The following IST1 variants were observed in gnomAD, a reference collection of about 807,000 sequenced individuals.
IST1 encodes IST1 factor associated with ESCRT-III.
Under a neutral mutation model 37.0 loss-of-function variants are expected in IST1, and 23 were observed. That is an observed-to-expected ratio of 0.62 (90% CI 0.45 to 0.88). The LOEUF is 0.88. Ranked by LOEUF, IST1 falls within the 40% of genes least tolerant of loss-of-function variation. IST1 has a pLI of 0.00. For synonymous variants in IST1, 180 were observed against 161.7 expected (o/e 1.11, Z -0.86); for missense variants, 488 against 445.4 (o/e 1.10, Z -0.86).
chr16:71,895,485 G>A, upstream of IST1: 1 of 984,712 alleles, frequency 1.0e-6, no homozygotes, highest in Non-Finnish European at 1.2e-6. Context: ...TCGGCCCCGT[G>A]GATCCCTCCG....
At chr16:71,906,779 G>C (rs2037233526) in intron 1 of IST1, among the ~76,000 whole-genome samples, 1 of 151,470 alleles carries the variant, frequency 6.6e-6, no homozygotes, top group African/African-American at 2.4e-5. Flanking sequence ...GCTTCCTTTT[G>C]GTCTCCCTGG....
rs182950900 is a variant in IST1, at chr16:71,921,340, C to T, written c.442-3C>T. On this transcript the variant is annotated splice_region_variant and splice_polypyrimidine_tract_variant and intron_variant, in intron 5 of 9. Transcript: ENST00000378799. ...TCTTAGCCCTGGGTCTTTTTACTTA[C>T]AGCTAATGCACAAGCTGAGTGTGGA... 22 of 1,594,836 alleles carry T rather than the reference C, an allele frequency of 1.4e-5. No homozygotes were observed. The East Asian group carries it at 2.9e-4, about 21-fold the overall frequency.
At chr16:71,921,270 A>C (rs2037575265) in intron 5 of IST1, 73 bp from the exon 6 acceptor site, 1 of 878,814 alleles carries the variant, frequency 1.1e-6, no homozygotes, top group African/African-American at 1.7e-5. Flanking sequence ...AGAGGAGCTA[A>C]CTTCGCATAG....
intron 9 of IST1, among the ~76,000 whole-genome samples, chr16:71,926,822 CAT>C (rs1401841749): frequency 2.0e-5 from 3 of 152,076 alleles, no homozygotes; most frequent in Non-Finnish European, 2.9e-5. Flanking sequence ...CTTAAGGAAA[CAT>C]ACAGTAGATG....
intron 1 of IST1, among the ~76,000 whole-genome samples, chr16:71,907,896 C>G (rs73588121): frequency 0.047 from 7,097 of 152,268 alleles, 525 homozygotes; most frequent in African/African-American, 0.16. Context: ...GTCCTCCTGC[C>G]TCAGCCCCCT....
At chr16:71,895,755 C>A in intron 1 of IST1, 166 bp downstream of exon 1, 1 of 187,056 alleles carries the variant, frequency 5.3e-6, no homozygotes, top group South Asian at 1.7e-4. Flanking sequence ...GACCGGAGGT[C>A]AGGCCCTCGA....
chr16:71,912,931 T>C (rs1455126627), intron 1 of IST1, among the ~76,000 whole-genome samples: 1 of 152,212 alleles, frequency 6.6e-6, no homozygotes, highest in Non-Finnish European at 1.5e-5. Context: ...TGGGTAGGAT[T>C]TCCTTTCCTT....
At chr16:71,895,520 A>T (rs2036943942), upstream of IST1, 1 of 985,516 alleles carries the variant, frequency 1.0e-6, no homozygotes, top group African/African-American at 1.7e-5. Flanking sequence ...GCTGAGGCCG[A>T]GGGAGTCGCC....
intron 1 of IST1, among the ~76,000 whole-genome samples, chr16:71,900,388 C>T (rs2037080924): frequency 8.4e-6 from 1 of 119,504 alleles, no homozygotes; most frequent in African/African-American, 3.4e-5. Flanking sequence ...ATAGAGCTTT[C>T]AGGATCACTA....
intron 4 of IST1, among the ~76,000 whole-genome samples, chr16:71,918,439 T>C (rs1450253355): frequency 7.1e-6 from 1 of 141,334 alleles, no homozygotes; most frequent in Non-Finnish European, 1.5e-5. Flanking sequence ...TTTTTTGAGA[T>C]GGAGTCTTGC....
chr16:71,896,238 T>C (rs1317403107), intron 1 of IST1, among the ~76,000 whole-genome samples: 1 of 151,402 alleles, frequency 6.6e-6, no homozygotes, highest in Non-Finnish European at 1.5e-5. Flanking sequence ...TCGGTGCTCT[T>C]CTTCCGGGGT....
chr16:71,915,463 T>C (rs79975713), intron 1 of IST1, 163 bp from the exon 2 acceptor site: 1 of 541,890 alleles, frequency 1.8e-6, no homozygotes, highest in Non-Finnish European at 3.2e-6. Flanking sequence ...CAGTTTTTTT[T>C]ACAACAGCCA....
intron 1 of IST1, among the ~76,000 whole-genome samples, chr16:71,900,636 A>G (rs2037087017): frequency 6.7e-6 from 1 of 148,478 alleles, no homozygotes; most frequent in African/African-American, 2.5e-5. Flanking sequence ...TGTGACACTA[A>G]TAAAAATAAT....
At chr16:71,910,763 A>T (rs8051461) in intron 1 of IST1, among the ~76,000 whole-genome samples, 6,071 of 152,240 alleles carry the variant, frequency 0.04, 404 homozygotes, top group African/African-American at 0.14. Context: ...ATTAATAGAA[A>T]TATTCTTACT....
At chr16:71,926,347 A>G (rs887496058) in intron 9 of IST1, among the ~76,000 whole-genome samples, 1 of 151,106 alleles carries the variant, frequency 6.6e-6, no homozygotes, top group Admixed American at 6.6e-5. Flanking sequence ...AAAAAAACTC[A>G]TAGTTTTTTT....
Position 71,929,909 on chromosome 16 carries a change from A to G in IST1, c.*2096A>G. On this transcript the variant is annotated 3_prime_UTR_variant, in exon 10 of 10. Coordinates refer to ENST00000378799, the MANE Select transcript of IST1 (RefSeq NM_001270975.2). Reference sequence around the variant, plus strand: ...CTTATAAATTGGGTTTCCTAGGAAGATAGCTGGCAGAGCTTTTGAAACTAA... The same window carrying G: ...CTTATAAATTGGGTTTCCTAGGAAGGTAGCTGGCAGAGCTTTTGAAACTAA... The G allele has an allele frequency of 8.7e-7, 1 of 1,147,140 alleles. No individual in the cohort carries two copies. Among genetic ancestry groups the G allele is most frequent in the Non-Finnish European group, 1.2e-6 (1 of 832,098 alleles). The allele number at this position is 1,147,140 out of a possible 1,614,324, so 71.1% of individuals were successfully genotyped here. A position where few individuals can be genotyped will look rare whatever the true frequency, so the allele number is the denominator to read the frequency against.
rs2037891687 is a variant in IST1 at position 71,930,255 on chromosome 16, T to C, written c.*2442T>C. 2 of 1,401,894 alleles carry C rather than the reference T, an allele frequency of 1.4e-6. No homozygotes were observed. Among genetic ancestry groups the C allele is most frequent in the African/African-American group, 2.9e-5 (2 of 69,140 alleles). 86.8% of individuals were successfully genotyped at this position (1,401,894 alleles called of 1,614,324 possible). Reference sequence around the variant, plus strand: ...TACTTTACAAACATAAGCTATATGCTAGTGTTTGGGATCTTATCAGAAGAA... The same window carrying C: ...TACTTTACAAACATAAGCTATATGCCAGTGTTTGGGATCTTATCAGAAGAA... On this transcript the variant is annotated 3_prime_UTR_variant, in exon 10 of 10. Transcript: ENST00000378799.
chr16:71,907,682 C>T (rs2037257068), intron 1 of IST1, among the ~76,000 whole-genome samples: 1 of 152,046 alleles, frequency 6.6e-6, no homozygotes, highest in African/African-American at 2.4e-5. Flanking sequence ...TTTTTTCTCT[C>T]TTTTTTTCAG....
At chr16:71,918,456 GC>G (rs1473805877) in intron 4 of IST1, among the ~76,000 whole-genome samples, 13 of 142,710 alleles carry the variant, frequency 9.1e-5, no homozygotes, top group African/African-American at 3.4e-4. Context: ...TTGCAGTGTT[GC>G]CTGGGCTGGA....
Sources: gnomAD v4.1 joint callset for allele counts (sites outside exome capture counted in the v4.1 genomes callset) on GRCh38, gnomAD v4.1.1 for gene constraint, MANE v1.5 for transcripts, NCBI Gene and HGNC (gene_info 2026-07-23, HGNC 2026-07-21) for gene names.